The following KANK2 variants were observed in gnomAD, a reference collection of about 807,000 sequenced individuals.
KANK2 encodes KN motif and ankyrin repeat domains 2.
In KANK2, 41 loss-of-function variants were observed where a neutral mutation model predicts 74.6. That is an observed-to-expected ratio of 0.55 (90% confidence interval 0.43 to 0.71). The LOEUF is 0.71. Ranked by LOEUF, KANK2 falls within the 30% of genes least tolerant of loss-of-function variation. The pLI, the probability that KANK2 is intolerant of heterozygous loss-of-function variation, is 0.00. For synonymous variants in KANK2, 537 were observed against 519.0 expected, an observed-to-expected ratio of 1.03 and a Z score of -0.47; for missense variants, 1,148 against 1,196.4, an observed-to-expected ratio of 0.96 and a Z score of 0.60.
chr19:11,169,870 G>A lies in KANK2; in HGVS notation c.2502+7C>T, dbSNP rs889257074. 3.0e-5 allele frequency: 48 copies of A among 1,612,188 alleles called. No individual in the cohort carries two copies. Among genetic ancestry groups the A allele is most frequent in the Non-Finnish European group, 4.0e-5 (47 of 1,178,424 alleles). On this transcript the variant is annotated splice_region_variant and intron_variant, in intron 12 of 12. Transcript: ENST00000586659. ...TCCCGTGCCTACCCGGCCGGATTGA[G>A]ACTCACCGAGCACTTGATGTTCATG... is the stretch of plus-strand genomic sequence containing the variant.
chr19:11,180,209 G>A (rs951456120), intron 4 of KANK2, among the ~76,000 whole-genome samples: 6 of 152,106 alleles, frequency 3.9e-5, no homozygotes, highest in African/African-American at 9.7e-5. Flanking sequence ...CCCCCGGGGC[G>A]CCAACTCTGA....
Position 11,170,076 on chromosome 19 carries a change from G to A in KANK2, c.2384C>T (p.Pro795Leu), listed in dbSNP as rs1178291348. 6.2e-7 allele frequency: 1 copy of A among 1,613,708 alleles called. No individual in the cohort carries two copies. The highest frequency in any genetic ancestry group is 8.5e-7 in the Non-Finnish European group (1 of 1,179,824). ...ATCTGTGAGTGAGATGTCACAGCTG[G>A]GCACGGCCAGCAGCAGCCCCGCGAT... ...KEIAGLLLAVPSCDISLTDRD... is the reference protein window; with the variant it reads ...KEIAGLLLAVLSCDISLTDRD... Residue 795 changes from proline (P) to leucine (L), a missense_variant, in exon 11 of 13, where the codon CCC becomes CTC. Pro to Leu is a moderately conservative substitution (Grantham distance 98). Transcript: ENST00000586659. The surrounding 1 kb of genome is among the most constrained non-coding windows in gnomAD (Gnocchi z 5.2).
intron 3 of KANK2, 59 bp downstream of exon 3, chr19:11,194,416 C>T (rs150888326): frequency 0.037 from 51,999 of 1,414,486 alleles, 1,199 homozygotes; most frequent in Middle Eastern, 0.047. Flanking sequence ...CCCCAGCCCC[C>T]TCAGGCCTCC....
chr19:11,194,393 C>G (rs1223073400), intron 3 of KANK2, 82 bp downstream of exon 3: 7 of 1,157,994 alleles, frequency 6.0e-6, no homozygotes, highest in Non-Finnish European at 8.9e-6. Flanking sequence ...CCTCAAAGTC[C>G]CCAGGGCAAG....
At position 11,169,949 on chromosome 19, in the gene KANK2, C is replaced by T. The variant is rs1361298775; in HGVS notation, c.2430G>A (p.Leu810=). The change falls in exon 12 of 13, where the codon CTG becomes CTA. Residue 810 remains leucine (L), a synonymous_variant. Coordinates refer to ENST00000586659, the MANE Select transcript of KANK2 (RefSeq NM_001136191.3). ...SLTDRDGSTA[L]MVALDAGQSE... is the part of the protein sequence containing the mutation. ...TCTGCCCTGCGTCCAAGGCCACCATCAGAGCTGTGCTCCCATCCTGCAAAG... is the reference window on the plus strand; with the variant it reads ...TCTGCCCTGCGTCCAAGGCCACCATTAGAGCTGTGCTCCCATCCTGCAAAG... The T allele has an allele frequency of 6.2e-7, 1 of 1,614,208 alleles. No homozygotes were observed. Among genetic ancestry groups the T allele is most frequent in the South Asian group, 1.1e-5 (1 of 91,084 alleles).
intron 4 of KANK2, among the ~76,000 whole-genome samples, chr19:11,187,747 T>C (rs1054448866): frequency 3.3e-5 from 5 of 152,184 alleles, no homozygotes; most frequent in African/African-American, 1.2e-4. Context: ...TTCAAAAAGG[T>C]ATACATTAAA....
Position 11,170,411 on chromosome 19 carries a change from G to T in KANK2, c.2212-163C>A. On this transcript the variant is annotated intron_variant, in intron 10 of 12. Coordinates refer to ENST00000586659, the MANE Select transcript of KANK2 (RefSeq NM_001136191.3). This position sits in a 1 kb window ranked among gnomAD's most constrained non-coding sequence, Gnocchi z 5.2. Reference sequence around the variant, plus strand: ...AAACAACCCTCCCGTCACCAGGGGAGTAATAAATCCACAGAGACAGAAAGC... The same window carrying T: ...AAACAACCCTCCCGTCACCAGGGGATTAATAAATCCACAGAGACAGAAAGC... The T allele has an allele frequency of 1.6e-6, 1 of 612,618 alleles. No homozygotes were observed. Among genetic ancestry groups the T allele is most frequent in the Non-Finnish European group, 2.9e-6 (1 of 347,330 alleles). The allele number at this position is 612,618 out of a possible 1,614,324, so 37.9% of individuals were successfully genotyped here.
chr19:11,189,893 G>T (rs2078791505), intron 4 of KANK2, among the ~76,000 whole-genome samples: 1 of 152,280 alleles, frequency 6.6e-6, no homozygotes, highest in Admixed American at 6.5e-5. Context: ...TCTGGCAGGG[G>T]GCCAGAACCT....
intron 7 of KANK2, 68 bp from the exon 8 acceptor site, chr19:11,176,057 T>C: frequency 8.1e-7 from 1 of 1,231,480 alleles, no homozygotes; most frequent in Non-Finnish European, 1.2e-6. Context: ...GGACTTGACA[T>C]TCTGCACCAC....
intron 9 of KANK2, 78 bp from the exon 10 acceptor site, chr19:11,173,201 C>T (rs1438898356): frequency 4.0e-6 from 6 of 1,490,948 alleles, no homozygotes; most frequent in East Asian, 2.3e-5. Context: ...TACCACGTCT[C>T]GTCCATCAGT....
intron 10 of KANK2, 22 bp downstream of exon 10, chr19:11,172,959 G>A: frequency 6.2e-7 from 1 of 1,608,208 alleles, no homozygotes; most frequent in African/African-American, 1.3e-5. Flanking sequence ...ACCTGGATCT[G>A]CAGCAGCCGG....
rs1323694082 is a variant in KANK2 at position 11,165,920 on chromosome 19, C to A, written c.*638G>T. 1 of 152,242 alleles carries A rather than the reference C, an allele frequency of 6.6e-6. No homozygotes were observed. The highest frequency in any genetic ancestry group is 2.4e-5 in the African/African-American group (1 of 41,436). The allele number at this position is 152,242 out of a possible 1,614,324, so 9.4% of individuals were successfully genotyped here. ...CAGAGCCTGTCCTGAGTCCCTTCAT[C>A]TGAATGAGGGTGAAAAGACTGAGTT... On this transcript the variant is annotated 3_prime_UTR_variant, in exon 13 of 13. Transcript: ENST00000586659.
chr19:11,197,224 G>A (rs1034099797), intron 1 of KANK2: 1 of 145,816 alleles, frequency 6.9e-6, no homozygotes, highest in Non-Finnish European at 1.5e-5. Context: ...AGGGCACGAG[G>A]AATCGATGGG....
intron 9 of KANK2, among the ~76,000 whole-genome samples, chr19:11,173,348 T>A (rs1203111780): frequency 6.6e-6 from 1 of 152,026 alleles, no homozygotes; most frequent in East Asian, 1.9e-4. Context: ...GATGCTGGCA[T>A]CTATATTTAG....
rs1254842139 is a variant in KANK2, at chr19:11,165,194, A to G, written c.*1364T>C. 2.0e-5 allele frequency: 3 copies of G among 152,180 alleles called. No individual in the cohort carries two copies. Among genetic ancestry groups the G allele is most frequent in the African/African-American group, 7.2e-5 (3 of 41,444 alleles). 9.4% of individuals were successfully genotyped at this position (152,180 alleles called of 1,614,324 possible). A position where few individuals can be genotyped will look rare whatever the true frequency, so the allele number is the denominator to read the frequency against. ...GGCTCTGTTCCAGGCAGCTCCGGAAAGTCTCTAGGTTGTTAAAAAGCCCAG... is the reference window on the plus strand; with the variant it reads ...GGCTCTGTTCCAGGCAGCTCCGGAAGGTCTCTAGGTTGTTAAAAAGCCCAG... On this transcript the variant is annotated 3_prime_UTR_variant, in exon 13 of 13. Coordinates refer to ENST00000586659, the MANE Select transcript of KANK2 (RefSeq NM_001136191.3).
chr19:11,177,093 C>CCT (rs562968112), intron 6 of KANK2, among the ~76,000 whole-genome samples: 8 of 104,770 alleles, frequency 7.6e-5, no homozygotes, highest in Non-Finnish European at 1.4e-4. Flanking sequence ...ACTCACCCTC[C>CCT]TTTTTTTTTT....
chr19:11,176,996 C>T (rs918162709), intron 6 of KANK2, among the ~76,000 whole-genome samples, 179 bp from the exon 7 acceptor site: 7 of 151,914 alleles, frequency 4.6e-5, no homozygotes, highest in Non-Finnish European at 7.4e-5. Context: ...ACACAGTAAG[C>T]GCTCAATAAA....
rs1206219916 is a variant in KANK2 at position 11,185,034 on chromosome 19, C to T, written c.1250-6314G>A. ...CCATGTTGGCCAGGGTGGTCTCGAC[C>T]TCCTGACCTCAGTTGAGCCACCACG... On this transcript the variant is annotated intron_variant, in intron 4 of 12. Transcript: ENST00000586659. Among the ~76,000 whole-genome samples the T allele has an allele frequency of 5.4e-5, 8 of 148,546 alleles. 1 individual carries two copies. Among genetic ancestry groups the T allele is most frequent in the African/African-American group, 2.5e-5 (1 of 40,272 alleles).
rs1399856917 is a variant in KANK2, at chr19:11,193,764, C to G, written c.316G>C (p.Gly106Arg). 3.1e-6 allele frequency: 5 copies of G among 1,612,718 alleles called. No individual in the cohort carries two copies. The highest frequency in any genetic ancestry group is 4.2e-6 in the Non-Finnish European group (5 of 1,179,724). Reference protein sequence around the residue: ...RHSAYSYCGRGFYPQYGALET... With the variant: ...RHSAYSYCGRRFYPQYGALET... Reference sequence around the variant, plus strand: ...AGAGCACCATACTGAGGGTAGAAGCCACGGCCGCAGTAGGAATAGGCTGAG... The same window carrying G: ...AGAGCACCATACTGAGGGTAGAAGCGACGGCCGCAGTAGGAATAGGCTGAG... The change falls in exon 4 of 13, where the codon GGC becomes CGC. Residue 106 changes from glycine (G) to arginine (R), a missense_variant. Coordinates refer to ENST00000586659, the MANE Select transcript of KANK2 (RefSeq NM_001136191.3). This position sits in a 1 kb window ranked among gnomAD's most constrained non-coding sequence, Gnocchi z 9.6.
Sources: gnomAD v4.1 joint callset for allele counts (sites outside exome capture counted in the v4.1 genomes callset) on GRCh38, gnomAD v4.1.1 for gene constraint, Gnocchi (gnomAD v3.1) non-coding constraint, MANE v1.5 for transcripts, NCBI Gene and HGNC (gene_info 2026-07-23, HGNC 2026-07-21) for gene names.